Variants in SMAP1 observed in about 807,000 individuals in gnomAD.
SMAP1 encodes the protein small ArfGAP 1, also known as stromal membrane-associated protein 1.
A neutral mutation model predicts 58.5 loss-of-function variants in SMAP1; 24 were observed. That is an observed-to-expected ratio of 0.41 (90% CI 0.30 to 0.58). The LOEUF is 0.58. Among genes scored for constraint, SMAP1 ranks in the 20% least tolerant of loss-of-function variants. SMAP1 has a pLI of 0.29. For synonymous variants in SMAP1, 216 were observed against 196.6 expected (o/e 1.10, Z -0.82); for missense variants, 563 against 566.3 (o/e 0.99, Z 0.06).
intron 8 of SMAP1, among the ~76,000 whole-genome samples, chr6:70,853,346 C>T (rs1250129987): frequency 6.6e-6 from 1 of 152,136 alleles, no homozygotes; most frequent in Middle Eastern, 3.4e-3. Flanking sequence ...TATGAACTTT[C>T]AGGAAACAAA....
intron 3 of SMAP1, among the ~76,000 whole-genome samples, chr6:70,757,419 G>T (rs890318128): frequency 1.3e-5 from 2 of 151,908 alleles, no homozygotes; most frequent in Non-Finnish European, 2.9e-5. Context: ...AAAAACCCTA[G>T]AAGAAAACCT....
At chr6:70,671,504 A>G (rs963860658) in intron 1 of SMAP1, among the ~76,000 whole-genome samples, 2 of 152,228 alleles carry the variant, frequency 1.3e-5, no homozygotes, top group South Asian at 4.1e-4. Context: ...TGGGAGGCGG[A>G]GAGGCGGAGG....
chr6:70,708,377 C>G (rs1767924249), intron 1 of SMAP1, among the ~76,000 whole-genome samples: 1 of 152,130 alleles, frequency 6.6e-6, no homozygotes, highest in Non-Finnish European at 1.5e-5. Context: ...CGTTGATGGA[C>G]AAACACTTAG....
chr6:70,720,716 A>G (rs1037799892), intron 1 of SMAP1, among the ~76,000 whole-genome samples: 1 of 152,134 alleles, frequency 6.6e-6, no homozygotes, highest in Non-Finnish European at 1.5e-5. Context: ...GAAGCTGCCA[A>G]GGTTTGGGGC....
rs774339479 is a variant in SMAP1, at chr6:70,861,966, C to CTT, written c.*1633_*1634dup. On this transcript the variant is annotated 3_prime_UTR_variant, in exon 11 of 11. Coordinates refer to ENST00000370455, the MANE Select transcript of SMAP1 (RefSeq NM_001044305.3). The stretch of plus-strand genomic sequence containing the variant: ...TGGATTGGACAAAATGACTTGAAGA[C>CTT]TTACAGCAAATCCTTTGTGAAAAAT... 3.1e-6 allele frequency: 5 copies of CTT among 1,608,416 alleles called. No homozygotes were observed. Among genetic ancestry groups the CTT allele is most frequent in the Non-Finnish European group, 4.2e-6 (5 of 1,176,540 alleles).
Position 70,709,226 on chromosome 6 carries a change from T to C in SMAP1, c.119-23152T>C, listed in dbSNP as rs542797220. Among the ~76,000 whole-genome samples, 5 of 152,348 alleles carry C rather than the reference T, an allele frequency of 3.3e-5. No individual in the cohort carries two copies. In the South Asian group the frequency reaches 1.0e-3, roughly 32 times the overall value. On this transcript the variant is annotated intron_variant, in intron 1 of 10. Coordinates refer to ENST00000370455, the MANE Select transcript of SMAP1 (RefSeq NM_001044305.3). The stretch of plus-strand genomic sequence containing the variant: ...GGGCTTGTCAGGAATTACTTGACCA[T>C]ATATGCTTGGATTTATTTCTGGCTT...
At chr6:70,824,882 A>T (rs1012751034) in intron 6 of SMAP1, among the ~76,000 whole-genome samples, 2 of 152,170 alleles carry the variant, frequency 1.3e-5, no homozygotes, top group Admixed American at 6.5e-5. Context: ...CATGAGTAAG[A>T]TAGGATAGGA....
chr6:70,821,637 T>C (rs981009906), intron 6 of SMAP1, among the ~76,000 whole-genome samples: 1 of 152,182 alleles, frequency 6.6e-6, no homozygotes, highest in African/African-American at 2.4e-5. Flanking sequence ...TGTTTTGTTT[T>C]ACCTAGTTTT....
intron 7 of SMAP1, among the ~76,000 whole-genome samples, chr6:70,843,916 G>A (rs149642961): frequency 5.9e-5 from 9 of 152,274 alleles, no homozygotes; most frequent in African/African-American, 2.2e-4. Flanking sequence ...GGTAGTACAG[G>A]CCTTTGAAGG....
At chr6:70,684,856 AG>A (rs1351409684) in intron 1 of SMAP1, among the ~76,000 whole-genome samples, 1 of 152,186 alleles carries the variant, frequency 6.6e-6, no homozygotes, top group Non-Finnish European at 1.5e-5. Context: ...ACACTAGGAT[AG>A]GGAAAACATG....
intron 1 of SMAP1, among the ~76,000 whole-genome samples, chr6:70,710,368 G>A (rs896209190): frequency 6.6e-6 from 1 of 151,798 alleles, no homozygotes; most frequent in African/African-American, 2.4e-5. Flanking sequence ...GCATGCACCC[G>A]TAGTCCCAGC....
chr6:70,701,196 T>C (rs1239292667), intron 1 of SMAP1, among the ~76,000 whole-genome samples: 1 of 152,160 alleles, frequency 6.6e-6, no homozygotes, highest in African/African-American at 2.4e-5. Flanking sequence ...TCCTTCTACC[T>C]CAGCCTTCCT....
At chr6:70,762,706 T>A (rs1194024506) in intron 3 of SMAP1, among the ~76,000 whole-genome samples, 1 of 152,142 alleles carries the variant, frequency 6.6e-6, no homozygotes, top group Non-Finnish European at 1.5e-5. Context: ...AGTAAGTTCT[T>A]CTACCCTAAT....
Position 70,861,696 on chromosome 6 carries a change from C to CTT in SMAP1, c.*1364_*1365dup. The stretch of plus-strand genomic sequence containing the variant: ...CAATTTTCACTGTGTCCAGGTGGTA[C>CTT]TTTGGCTCGTTGGCTAGATTAACCT... On this transcript the variant is annotated 3_prime_UTR_variant, in exon 11 of 11. Transcript: ENST00000370455. 6.2e-7 allele frequency: 1 copy of CTT among 1,614,064 alleles called. No individual in the cohort carries two copies. The highest frequency in any genetic ancestry group is 8.5e-7 in the Non-Finnish European group (1 of 1,179,970).
chr6:70,778,704 A>G (rs1342164807), intron 4 of SMAP1, among the ~76,000 whole-genome samples: 1 of 152,186 alleles, frequency 6.6e-6, no homozygotes, highest in African/African-American at 2.4e-5. Context: ...GAGGATGCTA[A>G]CAACAGTGTC....
chr6:70,683,111 A>C (rs1470446547), intron 1 of SMAP1, among the ~76,000 whole-genome samples: 2 of 151,080 alleles, frequency 1.3e-5, no homozygotes, highest in African/African-American at 4.9e-5. Flanking sequence ...TCCTTAATAC[A>C]GTTGGTGAAA....
chr6:70,853,279 T>C (rs1771258442), intron 8 of SMAP1, among the ~76,000 whole-genome samples: 2 of 152,142 alleles, frequency 1.3e-5, no homozygotes, highest in Non-Finnish European at 2.9e-5. Flanking sequence ...GTATTAATGG[T>C]GAAGAAATTT....
At chr6:70,795,142 G>A (rs1768548854) in intron 5 of SMAP1, among the ~76,000 whole-genome samples, 1 of 152,164 alleles carries the variant, frequency 6.6e-6, no homozygotes, top group Non-Finnish European at 1.5e-5. Context: ...CTTGACAGCT[G>A]TATTTTTACA....
chr6:70,858,270 A>C, intron 10 of SMAP1, 41 bp downstream of exon 10: 1 of 861,354 alleles, frequency 1.2e-6, no homozygotes, highest in Non-Finnish European at 1.7e-6. Context: ...AAATCAAACC[A>C]GATTTATTTT....
Sources: gnomAD v4.1 joint callset for allele counts (sites outside exome capture counted in the v4.1 genomes callset) on GRCh38, gnomAD v4.1.1 for gene constraint, MANE v1.5 for transcripts, NCBI Gene and HGNC (gene_info 2026-07-23, HGNC 2026-07-21) for gene names.